SS18: variants seen among roughly 807,000 people sequenced by gnomAD.
SS18 encodes protein SSXT.
Under a neutral mutation model 72.5 loss-of-function variants are expected in SS18, and 28 were observed. The ratio of observed to expected loss-of-function variants is 0.39; its 90% CI spans 0.29 to 0.53. The LOEUF is 0.53. SS18 is among the 20% of genes least tolerant of loss of function. The pLI, the probability that SS18 is intolerant of heterozygous loss-of-function variation, is 0.76. For missense variants in SS18, 518 were observed against 535.3 expected, an observed-to-expected ratio of 0.97 and a Z score of 0.32; for synonymous variants, 172 against 164.2, an observed-to-expected ratio of 1.05 and a Z score of -0.37.
chr18:26,072,771 T>C lies in SS18; in HGVS notation c.231+5305A>G, dbSNP rs1185652376. On this transcript the variant is annotated intron_variant, in intron 3 of 10. Transcript: ENST00000415083. ...GAGATCACACCACTGCACTCCAGCC[T>C]GGGCAACAGAGCGAGACTCCGTCTC... Among the ~76,000 whole-genome samples the C allele has an allele frequency of 2.6e-5, 3 of 115,978 alleles. No individual in the cohort carries two copies. In the Admixed American group the frequency reaches 4.0e-4, roughly 16 times the overall value. The allele number at this position is 115,978 out of a possible 152,430, so 76.1% of individuals were successfully genotyped here.
intron 10 of SS18, among the ~76,000 whole-genome samples, chr18:26,027,909 T>A (rs1459434905): frequency 1.3e-5 from 2 of 151,950 alleles, no homozygotes; most frequent in African/African-American, 4.8e-5. Context: ...AAAGATTTCT[T>A]ACACATGATC....
chr18:26,047,602 G>A (rs1453129721), intron 5 of SS18, among the ~76,000 whole-genome samples: 4 of 151,994 alleles, frequency 2.6e-5, no homozygotes, highest in Admixed American at 2.0e-4. Flanking sequence ...AGCACTTTGG[G>A]AGGCCAAGGC....
intron 3 of SS18, among the ~76,000 whole-genome samples, chr18:26,069,057 T>G (rs1015369878): frequency 2.0e-5 from 3 of 152,090 alleles, no homozygotes; most frequent in African/African-American, 7.2e-5. Context: ...ATCAGTTGAG[T>G]CTCCAAACAC....
intron 5 of SS18, among the ~76,000 whole-genome samples, chr18:26,047,248 A>G (rs1447566244): frequency 6.8e-6 from 1 of 146,928 alleles, no homozygotes; most frequent in African/African-American, 2.6e-5. Context: ...TACCTTTGGA[A>G]AGTAATATGC....
chr18:26,038,988 T>G (rs1052229149), intron 6 of SS18, among the ~76,000 whole-genome samples: 2 of 152,028 alleles, frequency 1.3e-5, no homozygotes, highest in Admixed American at 1.3e-4. Flanking sequence ...TGCTGTGAAG[T>G]AAAATTGGGT....
rs2053274200 is a variant in SS18, at chr18:26,017,748, GAGAAC to G, written c.*601_*605del. ...TAAAAGGGATTTGAATTTCCTCTATGAGAACAGAACAGTGGACATATGGTGTGCTT... is the reference window on the plus strand; with the variant it reads ...TAAAAGGGATTTGAATTTCCTCTATGAGAACAGTGGACATATGGTGTGCTT... On this transcript the variant is annotated 3_prime_UTR_variant, in exon 11 of 11. Transcript: ENST00000415083. 4.5e-6 allele frequency: 1 copy of G among 220,468 alleles called. No homozygotes were observed. Among genetic ancestry groups the G allele is most frequent in the Non-Finnish European group, 9.1e-6 (1 of 110,162 alleles). The allele number at this position is 220,468 out of a possible 1,614,324, so 13.7% of individuals were successfully genotyped here. A position where few individuals can be genotyped will look rare whatever the true frequency, so the allele number is the denominator to read the frequency against.
chr18:26,027,671 T>TAAAA (rs68048813), intron 10 of SS18, among the ~76,000 whole-genome samples: 9 of 27,296 alleles, frequency 3.3e-4, no homozygotes, highest in East Asian at 8.9e-4. Flanking sequence ...GAGACTCATC[T>TAAAA]AAAAAAAAAA....
In SS18 at chr18:26,039,452, T is replaced by C; in HGVS notation, c.612A>G (p.Pro204=). ...GAGAAGGAGGCTGCTGATGCATCATTGGACCTGAAACAAGACACAACATTA... is the reference window on the plus strand; with the variant it reads ...GAGAAGGAGGCTGCTGATGCATCATCGGACCTGAAACAAGACACAACATTA... ...PNMSMQPNQG[P]MMHQQPPSQQ... is the part of the protein sequence containing the mutation. Residue 204 remains proline, a synonymous_variant, in exon 6 of 11, where the codon CCA becomes CCG. Transcript: ENST00000415083. The C allele has an allele frequency of 1.2e-6, 2 of 1,613,048 alleles. No homozygotes were observed. Among genetic ancestry groups the C allele is most frequent in the African/African-American group, 1.3e-5 (1 of 75,004 alleles).
chr18:26,054,537 A>G (rs2053981009), intron 4 of SS18, among the ~76,000 whole-genome samples: 1 of 152,182 alleles, frequency 6.6e-6, no homozygotes. Context: ...AATAAATTAA[A>G]CTTGTAAAAA....
At chr18:26,061,696 C>T (rs1052648783) in intron 3 of SS18, among the ~76,000 whole-genome samples, 3 of 151,062 alleles carry the variant, frequency 2.0e-5, no homozygotes, top group Non-Finnish European at 4.4e-5. Flanking sequence ...CCCAGAATTC[C>T]ACACTAAGAA....
At chr18:26,036,655 G>A (rs183546524) in intron 7 of SS18, among the ~76,000 whole-genome samples, 168 of 152,114 alleles carry the variant, frequency 1.1e-3, no homozygotes, top group Non-Finnish European at 1.0e-3. Context: ...CTAAGAAAAT[G>A]TAGGAAATAA....
At chr18:26,043,113 C>G (rs1048765197) in intron 5 of SS18, among the ~76,000 whole-genome samples, 2 of 152,070 alleles carry the variant, frequency 1.3e-5, no homozygotes, top group Non-Finnish European at 2.9e-5. Flanking sequence ...GTATTATTAT[C>G]GACTTCTTCA....
In SS18 at chr18:26,042,586, C is replaced by G. The variant is rs539048042; in HGVS notation, c.608-3130G>C. On this transcript the variant is annotated intron_variant, in intron 5 of 10. Coordinates refer to ENST00000415083, the MANE Select transcript of SS18 (RefSeq NM_001007559.3). ...TACCATATTTTATATTATTGGCATT[C>G]TTTTCTCCAATGAGATGGTTAATAC... Among the ~76,000 whole-genome samples, 11 of 150,052 alleles carry G rather than the reference C, an allele frequency of 7.3e-5. No individual in the cohort carries two copies. In the South Asian group the frequency reaches 1.1e-3, roughly 14 times the overall value.
At chr18:26,030,643 A>T (rs943382908) in intron 10 of SS18, among the ~76,000 whole-genome samples, 1 of 152,190 alleles carries the variant, frequency 6.6e-6, no homozygotes, top group Admixed American at 6.5e-5. Flanking sequence ...AGAAAGGAAA[A>T]TGATCAGTTT....
chr18:26,055,547 G>C (rs1363968430), intron 4 of SS18, among the ~76,000 whole-genome samples: 6 of 152,206 alleles, frequency 3.9e-5, no homozygotes, highest in African/African-American at 1.4e-4. Context: ...GAGAACATAA[G>C]TAGCTCTAAA....
intron 3 of SS18, among the ~76,000 whole-genome samples, chr18:26,070,449 T>C (rs1027646265): frequency 2.0e-5 from 3 of 152,236 alleles, no homozygotes; most frequent in African/African-American, 7.2e-5. Flanking sequence ...TCTCCTGGCT[T>C]AAAATTAAGA....
chr18:26,024,027 AC>A (rs2053401463), intron 10 of SS18, among the ~76,000 whole-genome samples: 1 of 152,200 alleles, frequency 6.6e-6, no homozygotes, highest in South Asian at 2.1e-4. Flanking sequence ...AGACACTGAT[AC>A]ACGCTACACA....
intron 2 of SS18, chr18:26,081,484 C>T (rs1380080889): frequency 1.3e-5 from 2 of 152,284 alleles, no homozygotes; most frequent in East Asian, 1.9e-4. Flanking sequence ...AGTCACCACA[C>T]TCAGCCCAAT....
At chr18:26,076,790 A>G (rs2144134077) in intron 3 of SS18, among the ~76,000 whole-genome samples, 1 of 152,146 alleles carries the variant, frequency 6.6e-6, no homozygotes, top group Admixed American at 6.5e-5. Context: ...CAAAATTTCA[A>G]CATAACAAAG....
Sources: allele counts gnomAD v4.1 joint callset (sites outside exome capture counted in the v4.1 genomes callset), GRCh38; gene constraint gnomAD v4.1.1; transcripts MANE v1.5; gene names NCBI Gene and HGNC (gene_info 2026-07-23, HGNC 2026-07-21).